TAOK3: variants seen among roughly 807,000 people sequenced by gnomAD.
TAOK3 encodes the protein TAO kinase 3, also known as serine/threonine-protein kinase TAO3.
In TAOK3, 40 loss-of-function variants were observed where a neutral mutation model predicts 120.4. That is an observed-to-expected ratio of 0.33 (90% CI 0.26 to 0.43). TAOK3 has a LOEUF of 0.43. Among genes scored for constraint, TAOK3 ranks in the 20% least tolerant of loss-of-function variants. The probability of loss-of-function intolerance (pLI) is 1.00; values close to 1 mark genes in which losing one functional copy is unlikely to be tolerated. For missense variants in TAOK3, 821 were observed against 1,112.1 expected, an observed-to-expected ratio of 0.74 and a Z score of 3.72; for synonymous variants, 355 against 387.5, an observed-to-expected ratio of 0.92 and a Z score of 0.99.
intron 1 of TAOK3, among the ~76,000 whole-genome samples, chr12:118,337,900 T>G (rs1168880015): frequency 6.6e-6 from 1 of 152,170 alleles, no homozygotes; most frequent in Middle Eastern, 3.2e-3. Flanking sequence ...CATGTAAAAC[T>G]GAGGAAATCT....
chr12:118,206,126 C>T (rs1464939573), intron 11 of TAOK3, among the ~76,000 whole-genome samples: 1 of 152,188 alleles, frequency 6.6e-6, no homozygotes, highest in African/African-American at 2.4e-5. Context: ...GTTCTCTCTC[C>T]TTCTTCCTGC....
intron 1 of TAOK3, among the ~76,000 whole-genome samples, chr12:118,324,360 G>C (rs769559275): frequency 6.6e-6 from 1 of 151,954 alleles, no homozygotes; most frequent in Non-Finnish European, 1.5e-5. Context: ...TACATATCAA[G>C]CATCTATCAT....
rs2045877790 is a variant in TAOK3, at chr12:118,371,048, T to C, written c.-194+1600A>G. Among the ~76,000 whole-genome samples, 1 of 152,240 alleles carries C rather than the reference T, an allele frequency of 6.6e-6. No homozygotes were observed. Among genetic ancestry groups the C allele is most frequent in the African/African-American group, 2.4e-5 (1 of 41,462 alleles). Reference sequence around the variant, plus strand: ...TCTCCAACAGATCAAAGTTAAACAGTCCAGATTCCAAACCTAGTATAGTTC... The same window carrying C: ...TCTCCAACAGATCAAAGTTAAACAGCCCAGATTCCAAACCTAGTATAGTTC... On this transcript the variant is annotated intron_variant, in intron 1 of 20. Transcript: ENST00000392533. This position sits in a 1 kb window ranked among gnomAD's most constrained non-coding sequence, Gnocchi z 5.5.
chr12:118,219,470 C>T (rs1172692534), intron 9 of TAOK3, among the ~76,000 whole-genome samples: 1 of 152,134 alleles, frequency 6.6e-6, no homozygotes, highest in Non-Finnish European at 1.5e-5. Flanking sequence ...AGTATGTATT[C>T]AGGATTCATT....
chr12:118,307,647 T>G (rs2043100499), intron 1 of TAOK3, among the ~76,000 whole-genome samples: 1 of 152,118 alleles, frequency 6.6e-6, no homozygotes. Context: ...CTAGACAAAT[T>G]TCCAAGCACT....
intron 9 of TAOK3, among the ~76,000 whole-genome samples, chr12:118,220,583 G>A (rs1351612189): frequency 1.3e-5 from 2 of 151,424 alleles, no homozygotes; most frequent in Non-Finnish European, 2.9e-5. Context: ...GAATTGCATA[G>A]GAGAAACAGT....
intron 1 of TAOK3, among the ~76,000 whole-genome samples, chr12:118,268,911 G>A (rs2041574764): frequency 6.6e-6 from 1 of 152,058 alleles, no homozygotes; most frequent in Non-Finnish European, 1.5e-5. Flanking sequence ...GGGCAGCTGA[G>A]GCAGGAGAAT....
intron 9 of TAOK3, 109 bp from the exon 10 acceptor site, chr12:118,214,219 G>A: frequency 1.3e-6 from 1 of 777,958 alleles, no homozygotes; most frequent in Non-Finnish European, 2.1e-6. Flanking sequence ...GCTCATTACT[G>A]TCATCATGCC....
chr12:118,183,061 G>T (rs958423576), intron 14 of TAOK3, among the ~76,000 whole-genome samples: 1 of 151,492 alleles, frequency 6.6e-6, no homozygotes, highest in African/African-American at 2.4e-5. Flanking sequence ...TTAATTCCAG[G>T]ATTGTAACTT....
chr12:118,347,139 G>T (rs527906949), intron 1 of TAOK3, among the ~76,000 whole-genome samples: 1 of 152,078 alleles, frequency 6.6e-6, no homozygotes, highest in South Asian at 2.1e-4. Flanking sequence ...GAGTAGCTGG[G>T]ACCGCAGACA....
chr12:118,159,422 T>C (rs2035070380), intron 19 of TAOK3, among the ~76,000 whole-genome samples: 1 of 151,882 alleles, frequency 6.6e-6, no homozygotes, highest in Admixed American at 6.6e-5. Flanking sequence ...GTGATTCTCC[T>C]GCCTCAGCCT....
intron 1 of TAOK3, among the ~76,000 whole-genome samples, chr12:118,273,985 T>C (rs1322898098): frequency 6.6e-6 from 1 of 152,154 alleles, no homozygotes; most frequent in Non-Finnish European, 1.5e-5. Context: ...ATCTTAACTT[T>C]ACAGCAGTGA....
rs1233407174 is a variant in TAOK3 at position 118,161,161 on chromosome 12, GC to G, written c.2139+626del. Reference sequence around the variant, plus strand: ...CGCATAGCCAGTGTGATCCAGGTTGGCCTCATATCTGTGGCAACACTGACAA... The same window carrying G: ...CGCATAGCCAGTGTGATCCAGGTTGGCTCATATCTGTGGCAACACTGACAA... On this transcript the variant is annotated intron_variant, in intron 18 of 20. Transcript: ENST00000392533. This position sits in a 1 kb window ranked among gnomAD's most constrained non-coding sequence, Gnocchi z 4.5. Among the ~76,000 whole-genome samples the G allele has an allele frequency of 1.3e-5, 2 of 152,180 alleles. No individual in the cohort carries two copies. The highest frequency in any genetic ancestry group is 2.9e-5 in the Non-Finnish European group (2 of 68,038).
intron 1 of TAOK3, among the ~76,000 whole-genome samples, chr12:118,272,548 AG>A (rs1566045836): frequency 6.6e-6 from 1 of 152,212 alleles, no homozygotes; most frequent in East Asian, 1.9e-4. Flanking sequence ...AATAAGAATT[AG>A]AATGTTTCAT....
chr12:118,304,210 G>A (rs562308484), intron 1 of TAOK3, among the ~76,000 whole-genome samples: 5 of 152,136 alleles, frequency 3.3e-5, no homozygotes, highest in Non-Finnish European at 7.4e-5. Context: ...GTGATTCAAC[G>A]GGCTGAATTA....
chr12:118,235,506 A>T, intron 8 of TAOK3, 52 bp downstream of exon 8: 1 of 1,398,024 alleles, frequency 7.2e-7, no homozygotes, highest in South Asian at 1.2e-5. Context: ...ACCATAGTTG[A>T]GTTCATGTAT....
intron 2 of TAOK3, among the ~76,000 whole-genome samples, chr12:118,258,089 T>C (rs1393624906): frequency 2.0e-5 from 3 of 152,182 alleles, no homozygotes. Flanking sequence ...CATGCCTTTT[T>C]AGGGAAAATA....
chr12:118,369,876 G>A (rs990148833), intron 1 of TAOK3, among the ~76,000 whole-genome samples: 3 of 151,938 alleles, frequency 2.0e-5, no homozygotes, highest in Admixed American at 6.6e-5. Context: ...TCTAGTTAGC[G>A]GAATTTTTTT....
In TAOK3 at chr12:118,199,100, T is replaced by C. The variant is rs370698566; in HGVS notation, c.1145A>G (p.His382Arg). The C allele has an allele frequency of 6.2e-7, 1 of 1,614,068 alleles. No individual in the cohort carries two copies. Among genetic ancestry groups the C allele is most frequent in the African/African-American group, 1.3e-5 (1 of 74,922 alleles). Residue 382 changes from histidine to arginine, a missense_variant, in exon 13 of 21, where the codon CAC becomes CGC. This residue lies in a region of TAOK3 where 467 missense variants were observed against 540.0 expected (regional missense o/e 0.86). Transcript: ENST00000392533. Reference protein sequence around the residue: ...DESSSELVMMHDDESTINSSS... With the variant: ...DESSSELVMMRDDESTINSSS... ...GGAATTGATTGTGCTTTCGTCATCG[T>C]GCATCATGACAAGTTCGGAACTGCT...
Sources: allele counts gnomAD v4.1 joint callset (sites outside exome capture counted in the v4.1 genomes callset), GRCh38; gene constraint gnomAD v4.1.1; regional missense constraint gnomAD v4.1.1; non-coding constraint Gnocchi (gnomAD v3.1); transcripts MANE v1.5; gene names NCBI Gene and HGNC (gene_info 2026-07-23, HGNC 2026-07-21).